The following HGSNAT variants were observed in gnomAD, a reference collection of about 807,000 sequenced individuals.
HGSNAT encodes the protein heparan-alpha-glucosaminide N-acetyltransferase, also known as transmembrane protein 76.
A neutral mutation model predicts 85.2 loss-of-function variants in HGSNAT; 59 were observed. The ratio of observed to expected loss-of-function variants is 0.69; its 90% CI spans 0.56 to 0.86. The LOEUF is 0.86. Among genes scored for constraint, HGSNAT ranks in the 40% least tolerant of loss-of-function variants. The pLI, the probability that HGSNAT is intolerant of heterozygous loss-of-function variation, is 0.00. For missense variants in HGSNAT, 756 were observed against 777.1 expected, an observed-to-expected ratio of 0.97 and a Z score of 0.32; for synonymous variants, 321 against 304.5, an observed-to-expected ratio of 1.05 and a Z score of -0.56.
intron 11 of HGSNAT, among the ~76,000 whole-genome samples, chr8:43,190,798 C>T (rs970226576): frequency 6.6e-6 from 1 of 152,114 alleles, no homozygotes; most frequent in African/African-American, 2.4e-5. Flanking sequence ...TGAAAGTGTA[C>T]AATTTGATGA....
intron 11 of HGSNAT, among the ~76,000 whole-genome samples, chr8:43,189,850 C>T (rs1236753325): frequency 6.6e-6 from 1 of 152,228 alleles, no homozygotes; most frequent in African/African-American, 2.4e-5. Flanking sequence ...GCCTTGGCCT[C>T]CCAAAGTGCT....
chr8:43,185,278 G>A (rs1804268513), intron 11 of HGSNAT, among the ~76,000 whole-genome samples: 1 of 152,204 alleles, frequency 6.6e-6, no homozygotes, highest in South Asian at 2.1e-4. Context: ...AGCATGGAAT[G>A]TTCTTCCATT....
rs747690443 is a variant in HGSNAT at position 43,146,980 on chromosome 8, A to G, written c.151A>G (p.Met51Val). 3.7e-6 allele frequency: 6 copies of G among 1,607,390 alleles called. No individual in the cohort carries two copies. Among genetic ancestry groups the G allele is most frequent in the South Asian group, 2.2e-5 (2 of 88,932 alleles). Residue 51 changes from methionine (M) to valine (V), a missense_variant, in exon 2 of 18, where the codon ATG (methionine) becomes GTG (valine). Met to Val is a conservative substitution (Grantham distance 21). Coordinates refer to ENST00000379644, the MANE Select transcript of HGSNAT (RefSeq NM_152419.3). ...CAAAAAAAGACATGCAGAGCTGAAG[A>G]TGGATCAGGCTTTGCTACTCATCCA... ...LDKKRHAELK[M>V]DQALLLIHNE...
intron 6 of HGSNAT, among the ~76,000 whole-genome samples, chr8:43,169,887 C>G (rs1478116664): frequency 6.6e-6 from 1 of 152,060 alleles, no homozygotes; most frequent in Non-Finnish European, 1.5e-5. Context: ...GTGGCGTGGT[C>G]TCAACTCGCT....
intron 1 of HGSNAT, 52 bp downstream of exon 1, chr8:43,140,666 C>CTT: frequency 1.1e-6 from 1 of 941,692 alleles, no homozygotes; most frequent in Non-Finnish European, 1.4e-6. Flanking sequence ...GCAGCGTCTC[C>CTT]TCTCCGCGGC....
At chr8:43,196,847 G>A in intron 14 of HGSNAT, 101 bp from the exon 15 acceptor site, 1 of 761,044 alleles carries the variant, frequency 1.3e-6, no homozygotes, top group South Asian at 1.6e-5. Context: ...AGCGTGCCCA[G>A]CAAGTGAATC....
At chr8:43,190,837 G>A (rs10095511) in intron 11 of HGSNAT, among the ~76,000 whole-genome samples, 111,410 of 152,082 alleles carry the variant, frequency 0.73, 43,144 homozygotes, top group Non-Finnish European at 0.86. Flanking sequence ...TTGTGCAGCT[G>A]TCACCAGTCT....
rs1366430289 is a variant in HGSNAT, at chr8:43,197,942, C to A, written c.1716C>A (p.Phe572Leu). 1 of 1,612,086 alleles carries A rather than the reference C, an allele frequency of 6.2e-7. No homozygotes were observed. The highest frequency in any genetic ancestry group is 2.2e-5 in the East Asian group (1 of 44,870). ...AGGGGCTGTGGACAGGAACCCCATT[C>A]TTTTATCCAGGTAAGTCACCTCCAA... ...DVKGLWTGTPFFYPGMNSILV... is the reference protein window; with the variant it reads ...DVKGLWTGTPLFYPGMNSILV... Residue 572 changes from phenylalanine to leucine, a missense_variant, in exon 17 of 18, where the codon TTC becomes TTA. Coordinates refer to ENST00000379644, the MANE Select transcript of HGSNAT (RefSeq NM_152419.3).
chr8:43,182,491 T>G, intron 11 of HGSNAT: 1 of 535,754 alleles, frequency 1.9e-6, no homozygotes, highest in Non-Finnish European at 3.4e-6. Context: ...TTGCCCAGGC[T>G]GGGGTGCAGT....
chr8:43,165,680 T>G (rs1227690141), intron 5 of HGSNAT, among the ~76,000 whole-genome samples: 1 of 152,222 alleles, frequency 6.6e-6, no homozygotes, highest in Non-Finnish European at 1.5e-5. Context: ...CTCACACCTG[T>G]AATCCCAGCA....
intron 12 of HGSNAT, 67 bp from the exon 13 acceptor site, chr8:43,192,237 T>C: frequency 6.5e-7 from 1 of 1,534,474 alleles, no homozygotes; most frequent in Non-Finnish European, 8.8e-7. Flanking sequence ...CTGAGGTTTT[T>C]TTATTCTTGT....
At chr8:43,175,214 T>C (rs1563370437) in intron 9 of HGSNAT, among the ~76,000 whole-genome samples, 1 of 152,214 alleles carries the variant, frequency 6.6e-6, no homozygotes, top group Non-Finnish European at 1.5e-5. Flanking sequence ...TTCAATATAC[T>C]GATTTCCTTC....
chr8:43,141,804 C>G (rs1287207908), intron 1 of HGSNAT, among the ~76,000 whole-genome samples: 1 of 152,118 alleles, frequency 6.6e-6, no homozygotes, highest in Non-Finnish European at 1.5e-5. Flanking sequence ...TGCAAGGACC[C>G]CGGGGAGGTT....
chr8:43,151,362 A>G (rs1193256730), intron 2 of HGSNAT, among the ~76,000 whole-genome samples: 2 of 152,200 alleles, frequency 1.3e-5, no homozygotes, highest in Non-Finnish European at 2.9e-5. Context: ...GTGAAGCTGG[A>G]AAAATAACGG....
At chr8:43,150,623 G>A (rs946447532) in intron 2 of HGSNAT, among the ~76,000 whole-genome samples, 2 of 152,142 alleles carry the variant, frequency 1.3e-5, no homozygotes, top group African/African-American at 4.8e-5. Flanking sequence ...CACAAGGTCA[G>A]GAGATCGAGA....
At chr8:43,185,805 A>T (rs1230156837) in intron 11 of HGSNAT, among the ~76,000 whole-genome samples, 8 of 152,240 alleles carry the variant, frequency 5.3e-5, no homozygotes, top group Non-Finnish European at 1.0e-4. Flanking sequence ...ATTTTGAGAC[A>T]GGTCCCATCG....
intron 11 of HGSNAT, among the ~76,000 whole-genome samples, chr8:43,183,226 G>T (rs887440150): frequency 6.6e-6 from 1 of 152,182 alleles, no homozygotes; most frequent in Admixed American, 6.5e-5. Context: ...GAGTGCAGGG[G>T]CACGATCTCA....
chr8:43,169,381 G>A, intron 6 of HGSNAT, 139 bp downstream of exon 6: 1 of 521,122 alleles, frequency 1.9e-6, no homozygotes, highest in Non-Finnish European at 3.3e-6. Flanking sequence ...TCCTAATAGA[G>A]AGCAGCCCTC....
chr8:43,194,378 A>C (rs897958651), intron 14 of HGSNAT: 1 of 984,254 alleles, frequency 1.0e-6, no homozygotes, highest in African/African-American at 1.7e-5. Context: ...TGGCTGGGCA[A>C]CAGAGTGAGA....
Sources: allele counts gnomAD v4.1 joint callset (sites outside exome capture counted in the v4.1 genomes callset), GRCh38; gene constraint gnomAD v4.1.1; transcripts MANE v1.5; gene names NCBI Gene and HGNC (gene_info 2026-07-23, HGNC 2026-07-21).